Variants in GPC5 observed in about 807,000 individuals in gnomAD.
The protein encoded by GPC5 is glypican-5.
GPC5 carries 47 observed loss-of-function variants against 53.9 expected under a neutral mutation model. That is an observed-to-expected ratio of 0.87 (90% CI 0.69 to 1.11). The LOEUF is 1.11. Ranked by LOEUF, GPC5 falls within the 50% of genes most tolerant of loss-of-function variation. The probability of loss-of-function intolerance (pLI) is 0.00; values close to 1 mark genes in which losing one functional copy is unlikely to be tolerated. For synonymous variants in GPC5, 286 were observed against 263.3 expected (o/e 1.09, Z -0.84); for missense variants, 748 against 713.1 (o/e 1.05, Z -0.56).
intron 7 of GPC5, among the ~76,000 whole-genome samples, chr13:92,230,499 C>T (rs2042522046): frequency 6.6e-6 from 1 of 152,048 alleles, no homozygotes. Context: ...TTTGCTATCA[C>T]CAAATCTACT....
intron 2 of GPC5, among the ~76,000 whole-genome samples, chr13:91,636,278 C>T (rs1201146949): frequency 6.6e-6 from 1 of 152,000 alleles, no homozygotes; most frequent in African/African-American, 2.4e-5. Flanking sequence ...AGCATCATGA[C>T]TGTGTCAAGA....
intron 6 of GPC5, among the ~76,000 whole-genome samples, chr13:91,980,041 A>AATACTATACT (rs899875149): frequency 2.0e-5 from 3 of 152,198 alleles, no homozygotes; most frequent in Non-Finnish European, 4.4e-5. Context: ...GATGCAAAAG[A>AATACTATACT]ATACTATAGG....
At chr13:91,789,836 G>C (rs1203633938) in intron 5 of GPC5, among the ~76,000 whole-genome samples, 1 of 152,282 alleles carries the variant, frequency 6.6e-6, no homozygotes, top group Non-Finnish European at 1.5e-5. Flanking sequence ...AGCTTGGATA[G>C]CTGCATCTGG....
chr13:91,510,689 C>G (rs1885190634), intron 2 of GPC5, among the ~76,000 whole-genome samples: 1 of 152,028 alleles, frequency 6.6e-6, no homozygotes. Flanking sequence ...TATATCCCAC[C>G]AAGATTGTTC....
At position 92,202,686 on chromosome 13, in the gene GPC5, C is replaced by T. The variant is rs75740783; in HGVS notation, c.1561+57697C>T. ...GTGCAACATTTTAAAAAGTCAAGCA[C>T]AAACATTTTATTGTACTGGGTTCTT... On this transcript the variant is annotated intron_variant, in intron 7 of 7. Coordinates refer to ENST00000377067, the MANE Select transcript of GPC5 (RefSeq NM_004466.6). Among the ~76,000 whole-genome samples the T allele has an allele frequency of 4.9e-3, 744 of 152,214 alleles. 10 individuals carry two copies. The highest frequency in any genetic ancestry group is 0.017 in the African/African-American group (692 of 41,540).
Position 92,349,682 on chromosome 13 carries a change from T to C in GPC5, c.1561+204693T>C, listed in dbSNP as rs181452650. Among the ~76,000 whole-genome samples, 6 of 151,952 alleles carry C rather than the reference T, an allele frequency of 3.9e-5. No homozygotes were observed. The East Asian group carries it at 1.2e-3, about 29-fold the overall frequency. ...CCTAGGCATATACAACCTACCAAGA[T>C]TGAATCATGCAGAAATAAAAAATCT... On this transcript the variant is annotated intron_variant, in intron 7 of 7. Coordinates refer to ENST00000377067, the MANE Select transcript of GPC5 (RefSeq NM_004466.6).
intron 7 of GPC5, among the ~76,000 whole-genome samples, chr13:92,202,889 A>T (rs2042304977): frequency 6.6e-6 from 1 of 152,218 alleles, no homozygotes; most frequent in African/African-American, 2.4e-5. Context: ...CATTTTTTAC[A>T]ATTAGTATCA....
intron 7 of GPC5, among the ~76,000 whole-genome samples, chr13:92,312,513 ATT>A (rs1330446590): frequency 1.3e-5 from 2 of 152,176 alleles, no homozygotes; most frequent in African/African-American, 4.8e-5. Context: ...CATTTGGACT[ATT>A]TTATATTTTG....
chr13:91,484,291 C>A (rs536134078), intron 2 of GPC5, among the ~76,000 whole-genome samples: 26 of 152,268 alleles, frequency 1.7e-4, no homozygotes, highest in Non-Finnish European at 2.8e-4. Flanking sequence ...ACCTAAATTC[C>A]ATTTTCCAAA....
chr13:92,685,212 C>G (rs1204811987), intron 7 of GPC5, among the ~76,000 whole-genome samples: 2 of 152,118 alleles, frequency 1.3e-5, no homozygotes, highest in Non-Finnish European at 2.9e-5. Context: ...CCTGCCTCAG[C>G]CTCCTGAGTA....
At chr13:92,151,470 C>T (rs374718147) in intron 7 of GPC5, among the ~76,000 whole-genome samples, 3 of 151,928 alleles carry the variant, frequency 2.0e-5, no homozygotes, top group East Asian at 3.9e-4. Flanking sequence ...TTTAAAACAC[C>T]GTATATTAGC....
intron 6 of GPC5, among the ~76,000 whole-genome samples, chr13:92,046,065 C>T (rs1408249684): frequency 1.3e-5 from 2 of 150,520 alleles, no homozygotes; most frequent in African/African-American, 2.4e-5. Flanking sequence ...GACCCAAGAT[C>T]GCACCACCGC....
chr13:92,718,623 T>C (rs1888406924), intron 7 of GPC5, among the ~76,000 whole-genome samples: 1 of 151,858 alleles, frequency 6.6e-6, no homozygotes, highest in South Asian at 2.1e-4. Flanking sequence ...ATGAATAAAA[T>C]CTCCTATTTG....
intron 5 of GPC5, among the ~76,000 whole-genome samples, chr13:91,820,194 C>T (rs1168735289): frequency 6.6e-6 from 1 of 151,724 alleles, no homozygotes; most frequent in Non-Finnish European, 1.5e-5. Flanking sequence ...GCATTTGTAC[C>T]ATTTTCGTGG....
At chr13:92,602,961 A>G (rs1884129727) in intron 7 of GPC5, among the ~76,000 whole-genome samples, 1 of 152,182 alleles carries the variant, frequency 6.6e-6, no homozygotes, top group Admixed American at 6.5e-5. Context: ...GCAGTCTCAC[A>G]GGACAAAATT....
At chr13:91,551,283 A>G (rs576283945) in intron 2 of GPC5, among the ~76,000 whole-genome samples, 29 of 152,106 alleles carry the variant, frequency 1.9e-4, no homozygotes, top group Admixed American at 3.9e-4. Context: ...GAAATGGAAA[A>G]TTGCTCAGAG....
chr13:92,293,436 T>C (rs1215104816), intron 7 of GPC5, among the ~76,000 whole-genome samples: 18 of 146,238 alleles, frequency 1.2e-4, no homozygotes, highest in East Asian at 5.9e-4. Context: ...TTTTTTTTTT[T>C]TTTTTTTTTT....
At chr13:92,385,148 C>G (rs2043781589) in intron 7 of GPC5, among the ~76,000 whole-genome samples, 1 of 151,708 alleles carries the variant, frequency 6.6e-6, no homozygotes, top group Non-Finnish European at 1.5e-5. Flanking sequence ...TTGAAATATT[C>G]TGATGGTAGC....
chr13:92,383,669 CATGA>C (rs2043768825), intron 7 of GPC5, among the ~76,000 whole-genome samples: 1 of 152,162 alleles, frequency 6.6e-6, no homozygotes, highest in Non-Finnish European at 1.5e-5. Context: ...TAGTAGCTGT[CATGA>C]ATATCTCTTT....
Sources: gnomAD v4.1 joint callset for allele counts (sites outside exome capture counted in the v4.1 genomes callset) on GRCh38, gnomAD v4.1.1 for gene constraint, MANE v1.5 for transcripts, NCBI Gene and HGNC (gene_info 2026-07-23, HGNC 2026-07-21) for gene names.